Variants in CD200R1 observed in about 807,000 individuals in gnomAD.
CD200R1 encodes the protein cell surface glycoprotein CD200 receptor 1.
A neutral mutation model predicts 38.1 loss-of-function variants in CD200R1; 30 were observed. That is an observed-to-expected ratio of 0.79 (90% CI 0.59 to 1.07). CD200R1 has a LOEUF of 1.07. CD200R1 is among the 50% of genes least tolerant of loss of function. The probability of loss-of-function intolerance (pLI) is 0.00; values close to 1 mark genes in which losing one functional copy is unlikely to be tolerated. For missense variants in CD200R1, 372 were observed against 415.4 expected, an observed-to-expected ratio of 0.90 and a Z score of 0.91; for synonymous variants, 128 against 152.1, an observed-to-expected ratio of 0.84 and a Z score of 1.16.
chr3:112,970,418 C>CATT lies in CD200R1; in HGVS notation c.67+4370_67+4372dup, dbSNP rs1191954922. On this transcript the variant is annotated intron_variant, in intron 1 of 7. Transcript: ENST00000308611. ...TATATAAATCAGTGATATTTATTAC[C>CATT]ATTATTATTATTTAAAAAGTAATGA... 3.3e-5 allele frequency among the ~76,000 whole-genome samples: 5 copies of CATT among 152,010 alleles called. No homozygotes were observed. In the East Asian group the frequency reaches 9.7e-4, roughly 29 times the overall value.
intron 1 of CD200R1, among the ~76,000 whole-genome samples, chr3:112,969,151 A>C (rs1933237335): frequency 1.3e-5 from 2 of 152,190 alleles, no homozygotes; most frequent in African/African-American, 4.8e-5. Context: ...TGGAAATCTT[A>C]AAATTGAAAA....
rs117634048 is a variant in CD200R1 at position 112,935,895 on chromosome 3, C to T, written c.137-4724G>A. 6.0e-4 allele frequency among the ~76,000 whole-genome samples: 92 copies of T among 152,230 alleles called. 2 individuals carry two copies. In the East Asian group the frequency reaches 0.017, roughly 27 times the overall value. ...TTTGCTGCACAGATCATTCCATCAC[C>T]GAGGTATTAAGCCCAGCATCCATCA... On this transcript the variant is annotated intron_variant, in intron 2 of 7. Coordinates refer to ENST00000308611, the MANE Select transcript of CD200R1 (RefSeq NM_138806.4).
Position 112,939,654 on chromosome 3 carries a change from T to C in CD200R1, c.136+8202A>G, listed in dbSNP as rs186437043. ...AAGAAATTTAAGAAGACACAAAAAA[T>C]AGAAAGACATCCCATATTCATGGAC... is the stretch of plus-strand genomic sequence containing the variant. On this transcript the variant is annotated intron_variant, in intron 2 of 7. Coordinates refer to ENST00000308611, the MANE Select transcript of CD200R1 (RefSeq NM_138806.4). 2.6e-5 allele frequency among the ~76,000 whole-genome samples: 4 copies of C among 151,544 alleles called. No homozygotes were observed. The East Asian group carries it at 7.8e-4, about 29-fold the overall frequency.
intron 1 of CD200R1, among the ~76,000 whole-genome samples, chr3:112,970,016 A>T (rs1417883734): frequency 6.6e-6 from 1 of 151,848 alleles, no homozygotes; most frequent in Non-Finnish European, 1.5e-5. Context: ...TACAAAAAAT[A>T]CAAAAAAAAA....
In CD200R1 at chr3:112,931,352, G is replaced by A. The variant is rs191515725; in HGVS notation, c.137-181C>T. On this transcript the variant is annotated intron_variant, in intron 2 of 7. Transcript: ENST00000308611. ...ATGCCATCATTAGGGGACTAAATGTGTTAATATCCTGAAAATTATACTTAA... is the reference window on the plus strand; with the variant it reads ...ATGCCATCATTAGGGGACTAAATGTATTAATATCCTGAAAATTATACTTAA... 3.3e-4 allele frequency among the ~76,000 whole-genome samples: 47 copies of A among 140,574 alleles called. No homozygotes were observed. The East Asian group carries it at 8.1e-3, about 24-fold the overall frequency. 92.2% of individuals were successfully genotyped at this position (140,574 alleles called of 152,430 possible).
At chr3:112,954,707 G>A (rs1053491517) in intron 1 of CD200R1, among the ~76,000 whole-genome samples, 6 of 152,184 alleles carry the variant, frequency 3.9e-5, no homozygotes, top group African/African-American at 1.4e-4. Flanking sequence ...CTAGAAGGTG[G>A]TGTACCCGGA....
chr3:112,923,786 G>C lies in CD200R1; in HGVS notation c.938C>G (p.Pro313Arg). ...GTTCTTCTCTGTGTAGCTGGCATAG[G>C]GCTGCATTTCATCCTAAGAAAGAAC... ...TPVVEEDEMQ[P>R]YASYTEKNNP... Residue 313 changes from proline (P) to arginine (R), a missense_variant, in exon 8 of 8, where the codon CCC becomes CGC. Coordinates refer to ENST00000308611, the MANE Select transcript of CD200R1 (RefSeq NM_138806.4). 1 of 1,587,310 alleles carries C rather than the reference G, an allele frequency of 6.3e-7. No individual in the cohort carries two copies. The highest frequency in any genetic ancestry group is 8.6e-7 in the Non-Finnish European group (1 of 1,167,592).
At chr3:112,962,565 T>G (rs1022206840) in intron 1 of CD200R1, among the ~76,000 whole-genome samples, 3 of 152,220 alleles carry the variant, frequency 2.0e-5, no homozygotes, top group Non-Finnish European at 4.4e-5. Flanking sequence ...TAAATGAAGA[T>G]GCAGCACTAA....
intron 1 of CD200R1, among the ~76,000 whole-genome samples, chr3:112,973,981 A>G (rs1439940963): frequency 2.6e-5 from 4 of 152,202 alleles, no homozygotes; most frequent in African/African-American, 9.6e-5. Flanking sequence ...TTGAAGATAA[A>G]TACAGACATA....
chr3:112,937,783 G>A (rs1432919648), intron 2 of CD200R1, among the ~76,000 whole-genome samples: 1 of 152,172 alleles, frequency 6.6e-6, no homozygotes, highest in Non-Finnish European at 1.5e-5. Flanking sequence ...ATTTTGGGCA[G>A]TATGGTCATT....
At chr3:112,945,096 C>T (rs1312688829) in intron 2 of CD200R1, among the ~76,000 whole-genome samples, 1 of 152,154 alleles carries the variant, frequency 6.6e-6, no homozygotes, top group Non-Finnish European at 1.5e-5. Flanking sequence ...TGGAGTGAGA[C>T]CTCATGTTCA....
intron 2 of CD200R1, among the ~76,000 whole-genome samples, chr3:112,939,463 T>C (rs1940671823): frequency 6.6e-6 from 1 of 151,898 alleles, no homozygotes; most frequent in African/African-American, 2.4e-5. Context: ...CAAAACTTAG[T>C]AGCATTTCTA....
chr3:112,929,641 T>C (rs1278391899), intron 3 of CD200R1, 134 bp from the exon 4 acceptor site: 2 of 772,702 alleles, frequency 2.6e-6, no homozygotes, highest in Non-Finnish European at 3.9e-6. Context: ...TAGACCTTCA[T>C]AAAAAATTAA....
chr3:112,949,288 T>C (rs1483152646), intron 1 of CD200R1, among the ~76,000 whole-genome samples: 1 of 152,230 alleles, frequency 6.6e-6, no homozygotes, highest in Admixed American at 6.5e-5. Context: ...AGCTTATCTA[T>C]AGTGAGTGTA....
At chr3:112,951,203 G>A (rs1576144423) in intron 1 of CD200R1, among the ~76,000 whole-genome samples, 1 of 151,888 alleles carries the variant, frequency 6.6e-6, no homozygotes, top group Admixed American at 6.6e-5. Context: ...ATTTACATTC[G>A]TGAAAGGAAA....
intron 1 of CD200R1, among the ~76,000 whole-genome samples, chr3:112,973,607 G>A (rs1933362841): frequency 6.6e-6 from 1 of 152,178 alleles, no homozygotes; most frequent in South Asian, 2.1e-4. Flanking sequence ...ATTCTCAATA[G>A]AAAGGTGCAG....
intron 1 of CD200R1, among the ~76,000 whole-genome samples, chr3:112,964,937 T>C (rs1933119076): frequency 6.6e-6 from 1 of 152,214 alleles, no homozygotes; most frequent in Non-Finnish European, 1.5e-5. Context: ...TGAGATCTGA[T>C]GGTTTTAAAA....
chr3:112,943,405 G>T (rs1364408837), intron 2 of CD200R1, among the ~76,000 whole-genome samples: 1 of 151,596 alleles, frequency 6.6e-6, no homozygotes, highest in African/African-American at 2.4e-5. Context: ...AACCTAAAGA[G>T]AAATTTTAAA....
Position 112,928,963 on chromosome 3 carries a change from C to T in CD200R1, c.622G>A (p.Asp208Asn), listed in dbSNP as rs750282836. The T allele has an allele frequency of 3.1e-6, 5 of 1,613,976 alleles. No individual in the cohort carries two copies. The highest frequency in any genetic ancestry group is 1.1e-5 in the South Asian group (1 of 91,072). Reference protein sequence around the residue: ...AAHISWIPEGDCATKQEYWSN... With the variant: ...AAHISWIPEGNCATKQEYWSN... ...CAGTATTCTTGCTTAGTGGCACAATCGCCCTCTGGGATCCAGGAGATATGC... is the reference window on the plus strand; with the variant it reads ...CAGTATTCTTGCTTAGTGGCACAATTGCCCTCTGGGATCCAGGAGATATGC... The change falls in exon 5 of 8, where the codon GAT becomes AAT. Residue 208 changes from aspartate to asparagine, a missense_variant. Transcript: ENST00000308611.
Sources: gnomAD v4.1 joint callset for allele counts (sites outside exome capture counted in the v4.1 genomes callset) on GRCh38, gnomAD v4.1.1 for gene constraint, MANE v1.5 for transcripts, NCBI Gene and HGNC (gene_info 2026-07-23, HGNC 2026-07-21) for gene names.